Variants in UMPS observed in about 807,000 individuals in gnomAD.
UMPS encodes uridine 5'-monophosphate synthase.
Under a neutral mutation model 38.9 loss-of-function variants are expected in UMPS, and 21 were observed. The ratio of observed to expected loss-of-function variants is 0.54; its 90% confidence interval spans 0.38 to 0.78. UMPS has a LOEUF of 0.78. Among genes scored for constraint, UMPS ranks in the 30% least tolerant of loss-of-function variants. The pLI is 0.00. For synonymous variants in UMPS, 208 were observed against 219.3 expected (o/e 0.95, Z 0.45); for missense variants, 533 against 591.6 (o/e 0.90, Z 1.03).
intron 1 of UMPS, chr3:124,731,426 G>A: frequency 2.9e-6 from 1 of 341,328 alleles, no homozygotes; most frequent in Non-Finnish European, 5.9e-6. Context: ...TTATCTTAAT[G>A]TACCTGGAAT....
chr3:124,738,587 G>T, intron 3 of UMPS: 1 of 242,948 alleles, frequency 4.1e-6, no homozygotes, highest in Non-Finnish European at 8.1e-6. Context: ...AACCAGTCAG[G>T]GATAATTTCC....
intron 1 of UMPS, 27 bp from the exon 2 acceptor site, chr3:124,735,066 A>C: frequency 6.3e-7 from 1 of 1,595,852 alleles, no homozygotes. Flanking sequence ...ACAATAAAAC[A>C]TTGTTTATGT....
chr3:124,739,387 A>G (rs993725948), intron 3 of UMPS, among the ~76,000 whole-genome samples: 2 of 152,134 alleles, frequency 1.3e-5, no homozygotes, highest in Non-Finnish European at 2.9e-5. Context: ...GCTGGAGTGC[A>G]GTGGTGCAAT....
chr3:124,733,078 A>G (rs1018753416), intron 1 of UMPS, among the ~76,000 whole-genome samples: 1 of 151,958 alleles, frequency 6.6e-6, no homozygotes, highest in Non-Finnish European at 1.5e-5. Flanking sequence ...TCTTATGCGA[A>G]TAGAATTTCT....
chr3:124,746,315 G>C lies in UMPS; in HGVS notation c.*2231G>C, dbSNP rs531076251. 1 of 454,028 alleles carries C rather than the reference G, an allele frequency of 2.2e-6. No individual in the cohort carries two copies. 28.1% of individuals were successfully genotyped at this position (454,028 alleles called of 1,614,324 possible). A position where few individuals can be genotyped will look rare whatever the true frequency, so the allele number is the denominator to read the frequency against. On this transcript the variant is annotated 3_prime_UTR_variant, in exon 6 of 6. Coordinates refer to ENST00000232607, the MANE Select transcript of UMPS (RefSeq NM_000373.4). ...TGCCCCACACCATCAGAGTTTCTGC[G>C]TTAGCAGATTTGTGGTTTGCCCAGC...
rs754932636 is a variant in UMPS at position 124,747,455 on chromosome 3, ACT to A, written c.*3375_*3376del. 8 of 453,846 alleles carry A rather than the reference ACT, an allele frequency of 1.8e-5. 1 individual carries two copies. Among genetic ancestry groups the A allele is most frequent in the South Asian group, 6.2e-5 (4 of 64,504 alleles). The allele number at this position is 453,846 out of a possible 1,614,324, so 28.1% of individuals were successfully genotyped here. A position where few individuals can be genotyped will look rare whatever the true frequency, so the allele number is the denominator to read the frequency against. Reference sequence around the variant, plus strand: ...GTACCAGTTCCGAGCCTGAACCCAAACTCTCGTGTTTCTGCTCACCCCTCTCT... The same window carrying A: ...GTACCAGTTCCGAGCCTGAACCCAAACTCGTGTTTCTGCTCACCCCTCTCT... On this transcript the variant is annotated 3_prime_UTR_variant, in exon 6 of 6. Transcript: ENST00000232607.
At chr3:124,737,479 C>A (rs2063525628) in intron 2 of UMPS, 89 bp from the exon 3 acceptor site, 4 of 1,284,620 alleles carry the variant, frequency 3.1e-6, no homozygotes, top group Admixed American at 3.4e-5. Flanking sequence ...GTGTAACTGG[C>A]AAGTTTTGTA....
intron 5 of UMPS, among the ~76,000 whole-genome samples, chr3:124,743,058 G>A (rs2063567697): frequency 6.6e-6 from 1 of 152,160 alleles, no homozygotes; most frequent in African/African-American, 2.4e-5. Context: ...ATAAGGCTGG[G>A]TGCGGGGGCT....
rs1262629953 is a variant in UMPS at position 124,740,182 on chromosome 3, G to A, written c.1141G>A (p.Asp381Asn). 6.2e-7 allele frequency: 1 copy of A among 1,612,870 alleles called. No homozygotes were observed. Among genetic ancestry groups the A allele is most frequent in the Non-Finnish European group, 8.5e-7 (1 of 1,179,838 alleles). Residue 381 changes from aspartate (D) to asparagine (N), a missense_variant, in exon 4 of 6, where the codon GAC (aspartate) becomes AAC (asparagine). Transcript: ENST00000232607. ...CTCCACCGGCTCCCTGGCCACTGGGGACTACACTAGAGCAGCGGTAAGTGG... is the reference window on the plus strand; with the variant it reads ...CTCCACCGGCTCCCTGGCCACTGGGAACTACACTAGAGCAGCGGTAAGTGG... ...MSSTGSLATGDYTRAAVRMAE... is the reference protein window; with the variant it reads ...MSSTGSLATGNYTRAAVRMAE...
At chr3:124,738,454 T>G in intron 3 of UMPS, 1 of 557,218 alleles carries the variant, frequency 1.8e-6, no homozygotes, top group Admixed American at 3.0e-5. Context: ...GTAGGCATAC[T>G]CTGCATGCTC....
rs777872314 is a variant in UMPS at position 124,742,127 on chromosome 3, A to G, written c.1159-25A>G. The G allele has an allele frequency of 3.3e-6, 5 of 1,511,604 alleles. No homozygotes were observed. The Admixed American group carries it at 6.7e-5, about 20-fold the overall frequency. 93.6% of individuals were successfully genotyped at this position (1,511,604 alleles called of 1,614,324 possible). On this transcript the variant is annotated intron_variant, in intron 4 of 5. Transcript: ENST00000232607. The stretch of plus-strand genomic sequence containing the variant: ...CTGTGTGATTAACTGTTTTCTTATA[A>G]TATGTCCTATTACATTCCATTTAGG...
rs1401121770 is a variant in UMPS, at chr3:124,745,468, G to C, written c.*1384G>C. ...AACTTCTGCCTCTCTGGTTCAAGCA[G>C]TTCTCCTGCCTCAGCCTCCCGAGTA... is the stretch of plus-strand genomic sequence containing the variant. On this transcript the variant is annotated 3_prime_UTR_variant, in exon 6 of 6. Transcript: ENST00000232607. The C allele has an allele frequency of 4.4e-6, 2 of 453,406 alleles. No homozygotes were observed. The highest frequency in any genetic ancestry group is 8.8e-6 in the Non-Finnish European group (2 of 226,666). The allele number at this position is 453,406 out of a possible 1,614,324, so 28.1% of individuals were successfully genotyped here.
rs375478668 is a variant in UMPS at position 124,738,001 on chromosome 3, A to G, written c.744A>G (p.Gln248=). Reference sequence around the variant, plus strand: ...CATCGAAGCTTCTCAGGCTTATGCAAAAGAAGGAGACCAATCTGTGTCTAT... The same window carrying G: ...CATCGAAGCTTCTCAGGCTTATGCAGAAGAAGGAGACCAATCTGTGTCTAT... ...PVASKLLRLM[Q]KKETNLCLSA... Residue 248 remains glutamine (Q), a synonymous_variant, in exon 3 of 6, where the codon CAA becomes CAG. Transcript: ENST00000232607. The G allele has an allele frequency of 2.5e-6, 4 of 1,614,174 alleles. No homozygotes were observed. The highest frequency in any genetic ancestry group is 3.4e-6 in the Non-Finnish European group (4 of 1,180,006).
intron 2 of UMPS, among the ~76,000 whole-genome samples, chr3:124,736,573 G>T (rs2063520122): frequency 6.6e-6 from 1 of 151,874 alleles, no homozygotes; most frequent in African/African-American, 2.4e-5. Flanking sequence ...AAAGTGCTGG[G>T]ATTACAGGTG....
Position 124,745,055 on chromosome 3 carries a change from T to G in UMPS, c.*971T>G, listed in dbSNP as rs1442219880. The G allele has an allele frequency of 2.2e-6, 1 of 454,150 alleles. No individual in the cohort carries two copies. The allele number at this position is 454,150 out of a possible 1,614,324, so 28.1% of individuals were successfully genotyped here. On this transcript the variant is annotated 3_prime_UTR_variant, in exon 6 of 6. Coordinates refer to ENST00000232607, the MANE Select transcript of UMPS (RefSeq NM_000373.4). ...ACCAGTAGTAACACAAGTGACAGCT[T>G]CCTGTGACTGACTTCACAATTAGGA... is the stretch of plus-strand genomic sequence containing the variant.
In UMPS at chr3:124,746,951, G is replaced by T. The variant is rs1342349176; in HGVS notation, c.*2867G>T. 2.2e-6 allele frequency: 1 copy of T among 453,942 alleles called. No individual in the cohort carries two copies. The highest frequency in any genetic ancestry group is 4.4e-6 in the Non-Finnish European group (1 of 226,792). The allele number at this position is 453,942 out of a possible 1,614,324, so 28.1% of individuals were successfully genotyped here. A position where few individuals can be genotyped will look rare whatever the true frequency, so the allele number is the denominator to read the frequency against. ...TCTCAGTCCCAACACTCACCCTTGT[G>T]CTACTGAGTCAGCTCTAAGAAAATC... On this transcript the variant is annotated 3_prime_UTR_variant, in exon 6 of 6. Coordinates refer to ENST00000232607, the MANE Select transcript of UMPS (RefSeq NM_000373.4).
Position 124,748,132 on chromosome 3 carries a change from A to G in UMPS, c.*4048A>G. 2.4e-6 allele frequency: 1 copy of G among 417,052 alleles called. No homozygotes were observed. The highest frequency in any genetic ancestry group is 4.6e-6 in the Non-Finnish European group (1 of 215,994). The allele number at this position is 417,052 out of a possible 1,614,324, so 25.8% of individuals were successfully genotyped here. On this transcript the variant is annotated 3_prime_UTR_variant, in exon 6 of 6. Coordinates refer to ENST00000232607, the MANE Select transcript of UMPS (RefSeq NM_000373.4). ...TAATAGTATATATAAATAATACTAT[A>G]TTGCCCAGGCTGGTCTCGAACTCCT... is the stretch of plus-strand genomic sequence containing the variant.
rs1202323473 is a variant in UMPS, at chr3:124,744,663, T to C, written c.*579T>C. ...GGCTCAAGCGATCCTCCTGCCTCAGTCTCTCAAAGTGCTGGGATTACAGGT... is the reference window on the plus strand; with the variant it reads ...GGCTCAAGCGATCCTCCTGCCTCAGCCTCTCAAAGTGCTGGGATTACAGGT... On this transcript the variant is annotated 3_prime_UTR_variant, in exon 6 of 6. Coordinates refer to ENST00000232607, the MANE Select transcript of UMPS (RefSeq NM_000373.4). 2.2e-6 allele frequency: 1 copy of C among 453,884 alleles called. No homozygotes were observed. Among genetic ancestry groups the C allele is most frequent in the South Asian group, 1.6e-5 (1 of 64,416 alleles). The allele number at this position is 453,884 out of a possible 1,614,324, so 28.1% of individuals were successfully genotyped here. A position where few individuals can be genotyped will look rare whatever the true frequency, so the allele number is the denominator to read the frequency against.
Position 124,743,943 on chromosome 3 carries a change from C to T in UMPS, c.1302C>T (p.Ser434=). 6.2e-7 allele frequency: 1 copy of T among 1,614,120 alleles called. No homozygotes were observed. The highest frequency in any genetic ancestry group is 8.5e-7 in the Non-Finnish European group (1 of 1,180,026). The part of the protein sequence containing the change: ...GGDNLGQQYN[S]PQEVIGKRGS... Reference sequence around the variant, plus strand: ...ATAATCTTGGCCAACAGTACAATAGCCCACAAGAAGTTATTGGCAAACGAG... The same window carrying T: ...ATAATCTTGGCCAACAGTACAATAGTCCACAAGAAGTTATTGGCAAACGAG... The change falls in exon 6 of 6, where the codon AGC becomes AGT. Residue 434 remains serine, a synonymous_variant. Coordinates refer to ENST00000232607, the MANE Select transcript of UMPS (RefSeq NM_000373.4).
Sources: allele counts gnomAD v4.1 joint callset (sites outside exome capture counted in the v4.1 genomes callset), GRCh38; gene constraint gnomAD v4.1.1; transcripts MANE v1.5; gene names NCBI Gene and HGNC (gene_info 2026-07-23, HGNC 2026-07-21).